Variants in FARS2 observed in about 807,000 individuals in gnomAD.
The protein encoded by FARS2 is phenylalanine--tRNA ligase, mitochondrial.
A neutral mutation model predicts 46.4 loss-of-function variants in FARS2; 40 were observed. The observed-to-expected ratio is 0.86, with a 90% CI of 0.67 to 1.12. The LOEUF (loss-of-function observed/expected upper bound fraction) is 1.12, where lower values mean the gene tolerates loss of function less well. Among genes scored for constraint, FARS2 ranks in the 50% most tolerant of loss-of-function variants. The pLI, the probability that FARS2 is intolerant of heterozygous loss-of-function variation, is 0.00. For missense variants in FARS2, 513 were observed against 567.9 expected, an observed-to-expected ratio of 0.90 and a Z score of 0.98; for synonymous variants, 234 against 214.9, an observed-to-expected ratio of 1.09 and a Z score of -0.78.
At chr6:5,532,777 T>TAAGAAGAAGAAG (rs573860204) in intron 4 of FARS2, among the ~76,000 whole-genome samples, 100 of 143,454 alleles carry the variant, frequency 7.0e-4, no homozygotes, top group African/African-American at 2.8e-3. Flanking sequence ...ATAATAATAA[T>TAAGAAGAAGAAG]AATAATAAGA....
At chr6:5,578,990 G>C (rs1461906482) in intron 5 of FARS2, among the ~76,000 whole-genome samples, 2 of 152,238 alleles carry the variant, frequency 1.3e-5, no homozygotes, top group East Asian at 3.9e-4. Context: ...AAGGTTTTGT[G>C]GGGATTAGTG....
rs1765780345 is a variant in FARS2, at chr6:5,471,064, T to C, written c.904+39892T>C. On this transcript the variant is annotated intron_variant, in intron 4 of 6. Coordinates refer to ENST00000274680, the MANE Select transcript of FARS2 (RefSeq NM_006567.5). This position sits in a 1 kb window ranked among gnomAD's most constrained non-coding sequence, Gnocchi z 4.1. ...ACTGATCAGAAAAGGCTTTCTAAGCTAGAGTGTGAGAGTTACATGTTAACA... is the reference window on the plus strand; with the variant it reads ...ACTGATCAGAAAAGGCTTTCTAAGCCAGAGTGTGAGAGTTACATGTTAACA... 6.6e-6 allele frequency among the ~76,000 whole-genome samples: 1 copy of C among 152,146 alleles called. No individual in the cohort carries two copies. Among genetic ancestry groups the C allele is most frequent in the Non-Finnish European group, 1.5e-5 (1 of 68,022 alleles).
At chr6:5,551,601 A>G (rs769393377) in intron 5 of FARS2, among the ~76,000 whole-genome samples, 19 of 152,206 alleles carry the variant, frequency 1.2e-4, no homozygotes, top group Non-Finnish European at 2.1e-4. Flanking sequence ...TGCTGCTATA[A>G]TAAATTACCA....
chr6:5,323,267 T>G (rs1770113328), intron 1 of FARS2, among the ~76,000 whole-genome samples: 1 of 152,256 alleles, frequency 6.6e-6, no homozygotes, highest in Non-Finnish European at 1.5e-5. Flanking sequence ...AAAGTTTTTC[T>G]TTGTTTATGC....
intron 6 of FARS2, among the ~76,000 whole-genome samples, chr6:5,767,242 G>T (rs1297614443): frequency 6.6e-6 from 1 of 152,012 alleles, no homozygotes; most frequent in Admixed American, 6.6e-5. Flanking sequence ...TTTTAGTAGA[G>T]ACGGGGTTTC....
chr6:5,623,188 CA>C (rs1014274968), intron 6 of FARS2, among the ~76,000 whole-genome samples: 7 of 151,896 alleles, frequency 4.6e-5, no homozygotes, highest in Non-Finnish European at 1.0e-4. Context: ...AGACAGTTTC[CA>C]AAAAACGAGT....
chr6:5,364,563 T>G (rs1037977411), intron 1 of FARS2, among the ~76,000 whole-genome samples: 6 of 152,242 alleles, frequency 3.9e-5, no homozygotes, highest in Admixed American at 1.3e-4. Flanking sequence ...TTCAGTAGGT[T>G]AAGCTAAAAC....
intron 5 of FARS2, among the ~76,000 whole-genome samples, chr6:5,557,918 T>A (rs1477941810): frequency 6.6e-6 from 1 of 152,004 alleles, no homozygotes; most frequent in Non-Finnish European, 1.5e-5. Flanking sequence ...GAAATCAGGG[T>A]CATTATGGTG....
Position 5,341,219 on chromosome 6 carries a change from ATATATATATATATATATTTT to A in FARS2, c.-21-27329_-21-27310del, listed in dbSNP as rs1450114410. Among the ~76,000 whole-genome samples, 9 of 4,994 alleles carry A rather than the reference ATATATATATATATATATTTT, an allele frequency of 1.8e-3. 1 individual carries two copies. The highest frequency in any genetic ancestry group is 8.8e-3 in the East Asian group (1 of 114). 3.3% of individuals were successfully genotyped at this position (4,994 alleles called of 152,430 possible). A position where few individuals can be genotyped will look rare whatever the true frequency, so the allele number is the denominator to read the frequency against. On this transcript the variant is annotated intron_variant, in intron 1 of 6. Transcript: ENST00000274680. ...TATATATATATATATATATATATATATATATATATATATATATTTTTTTTTTTTTTTTTTTTTTCCCTGTG... is the reference window on the plus strand; with the variant it reads ...TATATATATATATATATATATATATATTTTTTTTTTTTTTTTTTCCCTGTG...
chr6:5,272,228 C>A (rs1766010192), intron 1 of FARS2, among the ~76,000 whole-genome samples: 1 of 152,162 alleles, frequency 6.6e-6, no homozygotes, highest in African/African-American at 2.4e-5. Flanking sequence ...AGGGTGAGTG[C>A]AGTGGGATGA....
intron 5 of FARS2, chr6:5,609,598 C>G: frequency 7.9e-7 from 1 of 1,257,910 alleles, no homozygotes; most frequent in Non-Finnish European, 1.1e-6. Flanking sequence ...TTTCCAGAAC[C>G]ACTTCACCTC....
chr6:5,315,761 T>TCTTCCTTTCTTTCTTTC (rs1561952069), intron 1 of FARS2, among the ~76,000 whole-genome samples: 3 of 132,630 alleles, frequency 2.3e-5, no homozygotes, highest in East Asian at 2.1e-4. Flanking sequence ...TTTCTTTCTT[T>TCTTCCTTTCTTTCTTTC]TTTTTGGGGA....
intron 4 of FARS2, among the ~76,000 whole-genome samples, chr6:5,474,806 C>T (rs772713086): frequency 2.0e-5 from 3 of 151,956 alleles, no homozygotes; most frequent in East Asian, 3.9e-4. Flanking sequence ...ATTACAGGCA[C>T]CCGCCACCAC....
intron 6 of FARS2, among the ~76,000 whole-genome samples, chr6:5,663,259 A>G (rs1225134701): frequency 6.6e-6 from 1 of 152,216 alleles, no homozygotes; most frequent in Non-Finnish European, 1.5e-5. Context: ...TGGCTCTTCA[A>G]TGTAGGGAGT....
chr6:5,465,810 T>A (rs1166568484), intron 4 of FARS2, among the ~76,000 whole-genome samples: 1 of 152,194 alleles, frequency 6.6e-6, no homozygotes, highest in Non-Finnish European at 1.5e-5. Context: ...TAGCTTTTTT[T>A]ATTTATTTAA....
At chr6:5,629,785 G>A (rs1285424566) in intron 6 of FARS2, among the ~76,000 whole-genome samples, 1 of 152,064 alleles carries the variant, frequency 6.6e-6, no homozygotes, top group Admixed American at 6.6e-5. Flanking sequence ...AGTGCCGGGG[G>A]CCTTGTGGGG....
At chr6:5,698,720 G>A (rs557808831) in intron 6 of FARS2, among the ~76,000 whole-genome samples, 35 of 152,262 alleles carry the variant, frequency 2.3e-4, no homozygotes, top group African/African-American at 7.7e-4. Flanking sequence ...GTGTGGGTCC[G>A]GCTGATTAGT....
intron 5 of FARS2, among the ~76,000 whole-genome samples, chr6:5,600,751 T>C (rs559562557): frequency 4.3e-4 from 65 of 152,264 alleles, no homozygotes; most frequent in African/African-American, 1.5e-3. Context: ...AAATTAATCA[T>C]TCGAAAAGGA....
At chr6:5,516,389 A>G (rs1374008054) in intron 4 of FARS2, among the ~76,000 whole-genome samples, 3 of 152,210 alleles carry the variant, frequency 2.0e-5, no homozygotes, top group Non-Finnish European at 4.4e-5. Context: ...AACAACCAAA[A>G]GGGTTTGCAA....
Sources: gnomAD v4.1 joint callset for allele counts (sites outside exome capture counted in the v4.1 genomes callset) on GRCh38, gnomAD v4.1.1 for gene constraint, Gnocchi (gnomAD v3.1) non-coding constraint, MANE v1.5 for transcripts, NCBI Gene and HGNC (gene_info 2026-07-23, HGNC 2026-07-21) for gene names.